The following ABCA4 variants were observed in gnomAD, a reference collection of about 807,000 sequenced individuals.
ABCA4 encodes ATP binding cassette subfamily A member 4, also known as retinal-specific phospholipid-transporting ATPase ABCA4.
In ABCA4, 196 loss-of-function variants were observed where a neutral mutation model predicts 263.7. The ratio of observed to expected loss-of-function variants is 0.74; its 90% CI spans 0.66 to 0.84. The LOEUF (loss-of-function observed/expected upper bound fraction) is 0.84. ABCA4 is among the 40% of genes least tolerant of loss of function. The pLI is 0.00. For missense variants in ABCA4, 2,792 were observed against 2,855.1 expected (o/e 0.98, Z 0.50); for synonymous variants, 1,133 against 1,094.2 (o/e 1.04, Z -0.70).
At chr1:94,023,972 G>A (rs142901849) in intron 31 of ABCA4, among the ~76,000 whole-genome samples, 1 of 152,270 alleles carries the variant, frequency 6.6e-6, no homozygotes, top group East Asian at 1.9e-4. Context: ...AAGCACACAC[G>A]CACAAAATCC....
intron 38 of ABCA4, among the ~76,000 whole-genome samples, chr1:94,012,228 C>G (rs1285091102): frequency 2.0e-5 from 3 of 152,228 alleles, no homozygotes; most frequent in African/African-American, 7.2e-5. Context: ...CCTACCCTTT[C>G]TCCCCACTCT....
In ABCA4 at chr1:94,036,794, A is replaced by G. The variant is rs767942846; in HGVS notation, c.3814-6T>C. ...TCCGTGACCTTCAGAAAAATCTGTC[A>G]AGAAGAAAAAAAGAGAGAATTTTGT... On this transcript the variant is annotated splice_polypyrimidine_tract_variant and splice_region_variant and intron_variant, in intron 25 of 49. Coordinates refer to ENST00000370225, the MANE Select transcript of ABCA4 (RefSeq NM_000350.3). 78 of 1,613,804 alleles carry G rather than the reference A, an allele frequency of 4.8e-5. No individual in the cohort carries two copies. Among genetic ancestry groups the G allele is most frequent in the Non-Finnish European group, 6.6e-5 (78 of 1,179,786 alleles).
At chr1:94,063,866 C>T (rs1209423689) in intron 11 of ABCA4, among the ~76,000 whole-genome samples, 1 of 151,934 alleles carries the variant, frequency 6.6e-6, no homozygotes, top group Non-Finnish European at 1.5e-5. Context: ...CTTCCAATTA[C>T]AATTCTGTGA....
At chr1:94,100,746 G>A (rs540718321) in intron 5 of ABCA4, among the ~76,000 whole-genome samples, 1 of 152,304 alleles carries the variant, frequency 6.6e-6, no homozygotes, top group Non-Finnish European at 1.5e-5. Flanking sequence ...ACCAGGAGGG[G>A]TATCCAGTCC....
chr1:94,035,441 C>T (rs141540533), intron 26 of ABCA4, among the ~76,000 whole-genome samples: 9 of 152,188 alleles, frequency 5.9e-5, no homozygotes, highest in Admixed American at 3.9e-4. Flanking sequence ...GGTCACCATG[C>T]GATGTACTGG....
At chr1:94,057,986 C>T (rs920681013) in intron 14 of ABCA4, among the ~76,000 whole-genome samples, 5 of 152,192 alleles carry the variant, frequency 3.3e-5, no homozygotes, top group Non-Finnish European at 7.3e-5. Context: ...CTGGCTTCCT[C>T]TCATAGAAAA....
chr1:94,061,940 G>C (rs1407067267), intron 13 of ABCA4, among the ~76,000 whole-genome samples: 1 of 151,756 alleles, frequency 6.6e-6, no homozygotes, highest in Non-Finnish European at 1.5e-5. Context: ...TGACAAATGA[G>C]CCTCCCAACC....
In ABCA4 at chr1:94,041,299, T is replaced by A. The variant is rs1184385995; in HGVS notation, c.3432A>T (p.Pro1144=). ...AQGRLYCSGT[P]LFLKNCFGTG... is the part of the protein sequence containing the mutation. ...TGCCAAAGCAGTTCTTCAGGAAGAGTGGGGTGCCTGAGCAGTAGAGCCTTC... is the reference window on the plus strand; with the variant it reads ...TGCCAAAGCAGTTCTTCAGGAAGAGAGGGGTGCCTGAGCAGTAGAGCCTTC... Residue 1144 remains proline (P), a synonymous_variant, in exon 23 of 50, where the codon CCA becomes CCT. Transcript: ENST00000370225. 6.2e-7 allele frequency: 1 copy of A among 1,613,510 alleles called. No individual in the cohort carries two copies. Among genetic ancestry groups the A allele is most frequent in the Admixed American group, 1.7e-5 (1 of 59,960 alleles).
chr1:94,116,642 G>T (rs1434671636), intron 1 of ABCA4, among the ~76,000 whole-genome samples: 1 of 152,164 alleles, frequency 6.6e-6, no homozygotes. Flanking sequence ...AGCCTGACAG[G>T]TCTGGTTTTC....
intron 24 of ABCA4, 26 bp from the exon 25 acceptor site, chr1:94,037,376 C>A: frequency 6.2e-7 from 1 of 1,606,172 alleles, no homozygotes; most frequent in Non-Finnish European, 8.5e-7. Context: ...AGACTGATGC[C>A]AGCTCTGTTT....
chr1:94,097,475 AC>A lies in ABCA4; in HGVS notation c.768+1318del, dbSNP rs535765255. ...TCCTCAATCAAGTTCTTAGTGACTG[AC>A]ATTCCCTACAACACAGTTCTAGAAA... On this transcript the variant is annotated intron_variant, in intron 6 of 49. Coordinates refer to ENST00000370225, the MANE Select transcript of ABCA4 (RefSeq NM_000350.3). Among the ~76,000 whole-genome samples the A allele has an allele frequency of 2.0e-5, 3 of 152,336 alleles. No homozygotes were observed. The East Asian group carries it at 5.8e-4, about 29-fold the overall frequency.
chr1:93,996,625 G>C (rs12070195), intron 48 of ABCA4, among the ~76,000 whole-genome samples: 7,953 of 152,158 alleles, frequency 0.052, 361 homozygotes, highest in African/African-American at 0.11. Context: ...ATCCTCAGGG[G>C]TTAAATGGAG....
At position 94,064,026 on chromosome 1, in the gene ABCA4, A is replaced by G. The variant is rs76834356; in HGVS notation, c.1555-709T>C. Among the ~76,000 whole-genome samples the G allele has an allele frequency of 7.5e-3, 1,149 of 152,200 alleles. 19 individuals carry two copies. The highest frequency in any genetic ancestry group is 0.027 in the African/African-American group (1,106 of 41,540). On this transcript the variant is annotated intron_variant, in intron 11 of 49. Transcript: ENST00000370225. ...GGTTGTCCTCCTGTATAGATTTGTT[A>G]AAGCACTTATATTGCTATTTGCATC... is the stretch of plus-strand genomic sequence containing the variant.
Position 94,011,334 on chromosome 1 carries a change from G to C in ABCA4, c.5512C>G (p.His1838Asp), listed in dbSNP as rs62642562. 1.2e-6 allele frequency: 2 copies of C among 1,614,120 alleles called. No individual in the cohort carries two copies. The highest frequency in any genetic ancestry group is 1.6e-4 in the Middle Eastern group (1 of 6,062). Residue 1838 changes from histidine to aspartate, a missense_variant, in exon 39 of 50, where the codon CAC (histidine) becomes GAC (aspartate). Transcript: ENST00000370225. ...ATGAGGCCCCGGCCCAGGCAGAAGT[G>C]GGGGAAGACAATGAGCAGCTTCCTC... Reference protein sequence around the residue: ...VLRKLLIVFPHFCLGRGLIDL... With the variant: ...VLRKLLIVFPDFCLGRGLIDL...
At chr1:94,073,112 G>A (rs994598594) in intron 11 of ABCA4, among the ~76,000 whole-genome samples, 4 of 152,180 alleles carry the variant, frequency 2.6e-5, no homozygotes, top group Non-Finnish European at 5.9e-5. Context: ...TCCTCAGGGT[G>A]GGGACATGAA....
chr1:94,056,667 G>C lies in ABCA4; in HGVS notation c.2316C>G (p.Leu772=), dbSNP rs752144970. The change falls in exon 15 of 50, where the codon CTC becomes CTG. Residue 772 remains leucine, a synonymous_variant. Coordinates refer to ENST00000370225, the MANE Select transcript of ABCA4 (RefSeq NM_000350.3). The part of the protein sequence containing the change: ...AACSGVIYFT[L]YLPHILCFAW... The stretch of plus-strand genomic sequence containing the variant: ...CGAAGCACAGGATGTGTGGCAGGTA[G>C]AGGGTGAAATAGATGACACCACTAC... 2.5e-6 allele frequency: 4 copies of C among 1,614,132 alleles called. No homozygotes were observed. The South Asian group carries it at 4.4e-5, about 18-fold the overall frequency.
intron 16 of ABCA4, among the ~76,000 whole-genome samples, chr1:94,053,004 C>T (rs1660880933): frequency 6.6e-6 from 1 of 152,186 alleles, no homozygotes; most frequent in Non-Finnish European, 1.5e-5. Flanking sequence ...CCTCAACCTC[C>T]AATGGGGGAG....
rs1409314346 is a variant in ABCA4 at position 94,001,083 on chromosome 1, T to G, written c.6305A>C (p.Asp2102Ala). ...VLLDEPTTGM[D>A]PQARRMLWNV... ...CCACAGCATGCGGCGTGCCTGGGGGTCCATCCCTGTGGTGGGCTCATCCTG... is the reference window on the plus strand; with the variant it reads ...CCACAGCATGCGGCGTGCCTGGGGGGCCATCCCTGTGGTGGGCTCATCCTG... The change falls in exon 46 of 50, where the codon GAC becomes GCC. Residue 2102 changes from aspartate (D) to alanine (A), a missense_variant. Coordinates refer to ENST00000370225, the MANE Select transcript of ABCA4 (RefSeq NM_000350.3). 6.2e-7 allele frequency: 1 copy of G among 1,613,760 alleles called. No homozygotes were observed. The highest frequency in any genetic ancestry group is 2.2e-5 in the East Asian group (1 of 44,856).
rs560237777 is a variant in ABCA4, at chr1:94,034,687, G to A, written c.3862+2053C>T. On this transcript the variant is annotated intron_variant, in intron 26 of 49. Transcript: ENST00000370225. ...TAAGACCAGAGAGTGAGACCCAGTG[G>A]CCTGGGTGACTTTAGGCAAACCCTC... 4.0e-5 allele frequency among the ~76,000 whole-genome samples: 6 copies of A among 151,500 alleles called. No individual in the cohort carries two copies. In the East Asian group the frequency reaches 7.8e-4, roughly 20 times the overall value.
Sources: allele counts gnomAD v4.1 joint callset (sites outside exome capture counted in the v4.1 genomes callset), GRCh38; gene constraint gnomAD v4.1.1; transcripts MANE v1.5; gene names NCBI Gene and HGNC (gene_info 2026-07-23, HGNC 2026-07-21).